LCOR: variants seen among roughly 807,000 people sequenced by gnomAD.
LCOR encodes the protein ligand dependent nuclear receptor corepressor, also known as ligand-dependent corepressor.
A neutral mutation model predicts 64.4 loss-of-function variants in LCOR; 14 were observed. That is an observed-to-expected ratio of 0.22 (90% CI 0.14 to 0.34). The LOEUF is 0.34. LCOR is among the 10% of genes least tolerant of loss of function. LCOR has a pLI of 1.00. For missense variants in LCOR, 1,686 were observed against 1,765.3 expected (o/e 0.96, Z 0.80); for synonymous variants, 643 against 642.5 (o/e 1.00, Z -0.01).
At position 96,994,629 on chromosome 10, in the gene LCOR, T is replaced by C. The variant is rs1174587769; in HGVS notation, c.*9495T>C. 2 of 152,032 alleles carry C rather than the reference T, an allele frequency of 1.3e-5. No individual in the cohort carries two copies. Among genetic ancestry groups the C allele is most frequent in the African/African-American group, 2.4e-5 (1 of 41,354 alleles). 9.4% of individuals were successfully genotyped at this position (152,032 alleles called of 1,614,324 possible). A position where few individuals can be genotyped will look rare whatever the true frequency, so the allele number is the denominator to read the frequency against. ...CTGAAGGCAAGCAAGAGGGAAGAAA[T>C]TGACCTGTATTGTATCATTGGGGAG... On this transcript the variant is annotated 3_prime_UTR_variant, in exon 8 of 8. Transcript: ENST00000421806.
chr10:96,974,719 A>G (rs138626153), intron 7 of LCOR, among the ~76,000 whole-genome samples: 2 of 152,238 alleles, frequency 1.3e-5, no homozygotes, highest in Admixed American at 6.5e-5. Flanking sequence ...GGAAAAATTG[A>G]ATAACTAGAA....
rs1409789286 is a variant in LCOR, at chr10:96,993,458, GAAAT to G, written c.*8329_*8332del. ...CAAAACTTTTTTAACTTTGCAGGAA[GAAAT>G]AAATTTTGCTCTCGTCTAAATGTTC... On this transcript the variant is annotated 3_prime_UTR_variant, in exon 8 of 8. Transcript: ENST00000421806. 6.6e-5 allele frequency: 10 copies of G among 152,254 alleles called. No homozygotes were observed. Among genetic ancestry groups the G allele is most frequent in the African/African-American group, 2.4e-4 (10 of 41,570 alleles). 9.4% of individuals were successfully genotyped at this position (152,254 alleles called of 1,614,324 possible).
chr10:96,912,611 C>CCTTT (rs1554836483), intron 4 of LCOR, among the ~76,000 whole-genome samples: 3 of 133,086 alleles, frequency 2.3e-5, no homozygotes, highest in Admixed American at 7.1e-5. Context: ...TTCCTTTCTT[C>CCTTT]CTTCCTTCCT....
At chr10:96,891,752 C>G (rs915261620) in intron 2 of LCOR, among the ~76,000 whole-genome samples, 1 of 151,734 alleles carries the variant, frequency 6.6e-6, no homozygotes, top group Non-Finnish European at 1.5e-5. Flanking sequence ...CCATGTTGGC[C>G]AGGCTAGTTG....
chr10:96,938,951 T>C (rs527484887), intron 4 of LCOR, among the ~76,000 whole-genome samples: 27 of 152,362 alleles, frequency 1.8e-4, no homozygotes, highest in Admixed American at 1.6e-3. Flanking sequence ...GATACGCTGA[T>C]TCAGTGCATT....
chr10:96,886,515 C>T (rs1233190097), intron 2 of LCOR, among the ~76,000 whole-genome samples: 1 of 152,160 alleles, frequency 6.6e-6, no homozygotes, highest in Non-Finnish European at 1.5e-5. Flanking sequence ...CAAAAACGTT[C>T]AACAACTTAT....
intron 2 of LCOR, among the ~76,000 whole-genome samples, chr10:96,847,851 AAAAG>A (rs1435030345): frequency 2.2e-4 from 33 of 152,342 alleles, no homozygotes; most frequent in Non-Finnish European, 3.7e-4. Flanking sequence ...AGTTAACGTA[AAAAG>A]AAAGAAACTG....
At chr10:96,906,857 T>A (rs1846737962) in intron 2 of LCOR, among the ~76,000 whole-genome samples, 1 of 152,232 alleles carries the variant, frequency 6.6e-6, no homozygotes, top group Non-Finnish European at 1.5e-5. Flanking sequence ...TTGTCTCAAC[T>A]GGTATTTTGA....
Position 96,920,704 on chromosome 10 carries a change from ATG to A in LCOR, c.-184+12963_-184+12964del, listed in dbSNP as rs1159492722. Among the ~76,000 whole-genome samples the A allele has an allele frequency of 3.1e-4, 41 of 133,994 alleles. 2 individuals are homozygous for A. Among genetic ancestry groups the A allele is most frequent in the African/African-American group, 9.7e-4 (28 of 28,824 alleles). The allele number at this position is 133,994 out of a possible 152,430, so 87.9% of individuals were successfully genotyped here. A position where few individuals can be genotyped will look rare whatever the true frequency, so the allele number is the denominator to read the frequency against. The stretch of plus-strand genomic sequence containing the variant: ...CATATATGTGTATATATGTTCATAT[ATG>A]TGTGTATATATGTATATATGTTCAT... On this transcript the variant is annotated intron_variant, in intron 4 of 7. Transcript: ENST00000421806.
intron 2 of LCOR, among the ~76,000 whole-genome samples, chr10:96,839,862 A>G (rs1359820426): frequency 2.0e-5 from 3 of 151,850 alleles, no homozygotes; most frequent in Non-Finnish European, 4.4e-5. Context: ...ATTTTTTTGT[A>G]GTTTTAGGAA....
chr10:96,901,886 C>G lies in LCOR; in HGVS notation c.-329-5379C>G, dbSNP rs916458261. On this transcript the variant is annotated intron_variant, in intron 2 of 7. Coordinates refer to ENST00000421806, the MANE Select transcript of LCOR (RefSeq NM_001346516.2). ...CTGGGTTCAAGTGATCTTACCACGT[C>G]AGCCTCCCGGGTAGTTGGGACTACA... Among the ~76,000 whole-genome samples, 4 of 152,172 alleles carry G rather than the reference C, an allele frequency of 2.6e-5. No individual in the cohort carries two copies. In the East Asian group the frequency reaches 7.7e-4, roughly 29 times the overall value.
chr10:96,900,131 A>G (rs528205769), intron 2 of LCOR, among the ~76,000 whole-genome samples: 2 of 152,248 alleles, frequency 1.3e-5, no homozygotes, highest in Admixed American at 1.3e-4. Context: ...TCTTCTATCT[A>G]TAGATTTGCC....
chr10:96,898,837 C>A (rs1222993528), intron 2 of LCOR, among the ~76,000 whole-genome samples: 1 of 152,068 alleles, frequency 6.6e-6, no homozygotes, highest in African/African-American at 2.4e-5. Flanking sequence ...AATAAGGGTG[C>A]AGTTAATGAT....
Position 96,872,012 on chromosome 10 carries a change from T to C in LCOR, c.-329-35253T>C, listed in dbSNP as rs1373075122. ...AACTTTTGGTGGAGTCCCAAATAGA[T>C]TGACATAGTCCATGCCACATAGAAG... On this transcript the variant is annotated intron_variant, in intron 2 of 7. Coordinates refer to ENST00000421806, the MANE Select transcript of LCOR (RefSeq NM_001346516.2). Among the ~76,000 whole-genome samples, 6 of 152,338 alleles carry C rather than the reference T, an allele frequency of 3.9e-5. No homozygotes were observed. The East Asian group carries it at 1.2e-3, about 29-fold the overall frequency.
chr10:96,869,013 C>A (rs1046533369), intron 2 of LCOR, among the ~76,000 whole-genome samples: 3 of 152,208 alleles, frequency 2.0e-5, no homozygotes, highest in Admixed American at 1.3e-4. Flanking sequence ...TCAAATGATT[C>A]TCCCACCTCA....
chr10:96,959,828 G>A (rs755762797), intron 7 of LCOR: 8 of 152,146 alleles, frequency 5.3e-5, no homozygotes, highest in Non-Finnish European at 1.2e-4. Flanking sequence ...GTGATAATAG[G>A]GGTCCTTATG....
At chr10:96,951,752 A>AT (rs1219773386) in intron 6 of LCOR, among the ~76,000 whole-genome samples, 1 of 152,180 alleles carries the variant, frequency 6.6e-6, no homozygotes, top group Non-Finnish European at 1.5e-5. Flanking sequence ...GTATGCTTTG[A>AT]TCAAGGAAAA....
intron 7 of LCOR, among the ~76,000 whole-genome samples, chr10:96,966,220 CTTTTTTTT>C (rs34210121): frequency 1.1e-3 from 62 of 55,128 alleles, no homozygotes; most frequent in Non-Finnish European, 1.4e-3. Flanking sequence ...CCAAAGGACT[CTTTTTTTT>C]TTTTTTTTTT....
intron 2 of LCOR, among the ~76,000 whole-genome samples, chr10:96,838,685 CTGCATTGTGTGGACAT>C (rs1331117235): frequency 6.6e-6 from 1 of 152,200 alleles, no homozygotes; most frequent in Admixed American, 6.5e-5. Flanking sequence ...CTAAATAACA[CTGCATTGTGTGGACAT>C]ACCACATTTT....
Sources: gnomAD v4.1 joint callset for allele counts (sites outside exome capture counted in the v4.1 genomes callset) on GRCh38, gnomAD v4.1.1 for gene constraint, MANE v1.5 for transcripts, NCBI Gene and HGNC (gene_info 2026-07-23, HGNC 2026-07-21) for gene names.